Variants in DENND1A observed in about 807,000 individuals in gnomAD.
The protein encoded by DENND1A is DENN domain containing 1A.
Under a neutral mutation model 113.7 loss-of-function variants are expected in DENND1A, and 51 were observed. The observed-to-expected ratio is 0.45, with a 90% CI of 0.36 to 0.57. DENND1A has a LOEUF of 0.57. Ranked by LOEUF, DENND1A falls within the 20% of genes least tolerant of loss-of-function variation. DENND1A has a pLI of 0.00. For missense variants in DENND1A, 1,258 were observed against 1,395.9 expected (o/e 0.90, Z 1.57); for synonymous variants, 565 against 570.8 (o/e 0.99, Z 0.14).
intron 13 of DENND1A, among the ~76,000 whole-genome samples, chr9:123,487,647 C>G (rs2133899708): frequency 6.6e-6 from 1 of 152,258 alleles, no homozygotes; most frequent in Non-Finnish European, 1.5e-5. Context: ...TGAATCTTTT[C>G]TACCATTTTC....
intron 13 of DENND1A, among the ~76,000 whole-genome samples, chr9:123,506,718 A>G (rs1438883417): frequency 6.6e-6 from 1 of 152,084 alleles, no homozygotes; most frequent in Non-Finnish European, 1.5e-5. Flanking sequence ...GCTCAGAGAG[A>G]TTAAATTACC....
intron 5 of DENND1A, among the ~76,000 whole-genome samples, chr9:123,685,119 G>T (rs1182182956): frequency 6.6e-6 from 1 of 152,166 alleles, no homozygotes; most frequent in Non-Finnish European, 1.5e-5. Flanking sequence ...ACCCTCACAT[G>T]GTTCTTTTGA....
intron 11 of DENND1A, among the ~76,000 whole-genome samples, chr9:123,591,458 G>T (rs577175197): frequency 2.6e-5 from 4 of 152,368 alleles, no homozygotes; most frequent in Admixed American, 2.6e-4. Flanking sequence ...ACATTGAGGA[G>T]CAGGGGCTCA....
chr9:123,432,485 G>A (rs949623830), intron 19 of DENND1A, among the ~76,000 whole-genome samples: 11 of 152,300 alleles, frequency 7.2e-5, no homozygotes, highest in African/African-American at 2.4e-4. Context: ...GCACTGTCAC[G>A]GTCACCCTAC....
chr9:123,636,221 T>C (rs879722529), intron 9 of DENND1A, among the ~76,000 whole-genome samples: 7 of 152,112 alleles, frequency 4.6e-5, no homozygotes, highest in Non-Finnish European at 8.8e-5. Context: ...ACTTGGCCCC[T>C]GATACTCTGA....
chr9:123,661,506 A>G (rs531217494), intron 8 of DENND1A, among the ~76,000 whole-genome samples: 1 of 152,356 alleles, frequency 6.6e-6, no homozygotes, highest in African/African-American at 2.4e-5. Context: ...AAAACAGACC[A>G]ACTCCAAAGA....
At chr9:123,514,094 G>A (rs1413434966) in intron 13 of DENND1A, among the ~76,000 whole-genome samples, 14 of 46,546 alleles carry the variant, frequency 3.0e-4, no homozygotes, top group East Asian at 2.1e-3. Context: ...GTGTGTGTGT[G>A]TGTATGTGTG....
chr9:123,844,154 G>A (rs780060514), intron 2 of DENND1A, among the ~76,000 whole-genome samples: 39 of 151,950 alleles, frequency 2.6e-4, no homozygotes, highest in Non-Finnish European at 4.0e-4. Flanking sequence ...TTTAAGATGC[G>A]GATGAAGAAA....
At chr9:123,559,597 G>A (rs1275286524) in intron 12 of DENND1A, among the ~76,000 whole-genome samples, 1 of 152,192 alleles carries the variant, frequency 6.6e-6, no homozygotes, top group Non-Finnish European at 1.5e-5. Flanking sequence ...GGAAGGACTA[G>A]ATCATACTTT....
intron 10 of DENND1A, among the ~76,000 whole-genome samples, chr9:123,627,613 G>A (rs1482469363): frequency 5.9e-5 from 9 of 152,114 alleles, no homozygotes; most frequent in South Asian, 2.1e-4. Context: ...GATGGTACGC[G>A]CCTGTAATCC....
chr9:123,875,242 T>C (rs979562338), intron 2 of DENND1A, among the ~76,000 whole-genome samples: 1 of 152,054 alleles, frequency 6.6e-6, no homozygotes, highest in Non-Finnish European at 1.5e-5. Context: ...GAGATGATTA[T>C]CATAAAAGTC....
chr9:123,531,553 CT>C (rs1203699323), intron 13 of DENND1A, among the ~76,000 whole-genome samples: 375 of 56,868 alleles, frequency 6.6e-3, no homozygotes, highest in Middle Eastern at 0.016. Context: ...CCCTCTCTCT[CT>C]ACACACACAC....
intron 13 of DENND1A, among the ~76,000 whole-genome samples, chr9:123,514,840 T>C (rs1276483580): frequency 6.6e-6 from 1 of 152,282 alleles, no homozygotes; most frequent in African/African-American, 2.4e-5. Flanking sequence ...GGAATGAGTA[T>C]ACCTGGTGCC....
intron 16 of DENND1A, among the ~76,000 whole-genome samples, chr9:123,453,988 G>A (rs904843325): frequency 2.0e-5 from 3 of 152,240 alleles, no homozygotes; most frequent in African/African-American, 7.2e-5. Flanking sequence ...AGTCTTTCAT[G>A]AAGGAATTGC....
intron 9 of DENND1A, among the ~76,000 whole-genome samples, chr9:123,642,058 C>T (rs951861993): frequency 1.3e-5 from 2 of 152,152 alleles, no homozygotes; most frequent in Admixed American, 6.5e-5. Flanking sequence ...GCAGAGAGAC[C>T]ATGGCTGGTT....
chr9:123,692,100 C>A (rs1357973541), intron 5 of DENND1A, among the ~76,000 whole-genome samples: 1 of 152,132 alleles, frequency 6.6e-6, no homozygotes, highest in East Asian at 1.9e-4. Context: ...CTTCGTCTCT[C>A]CAAGGCTACT....
chr9:123,400,537 G>T (rs1588334539), intron 21 of DENND1A: 1 of 152,172 alleles, frequency 6.6e-6, no homozygotes, highest in African/African-American at 2.4e-5. Flanking sequence ...GCTACTCCAG[G>T]AGACAGTCTT....
At chr9:123,729,116 C>T (rs551422182) in intron 5 of DENND1A, among the ~76,000 whole-genome samples, 1 of 152,262 alleles carries the variant, frequency 6.6e-6, no homozygotes, top group African/African-American at 2.4e-5. Context: ...GAATGTATCT[C>T]AAAATAATAA....
At chr9:123,403,587 A>G in intron 20 of DENND1A, 97 bp from the exon 21 acceptor site, 1 of 1,127,574 alleles carries the variant, frequency 8.9e-7, no homozygotes, top group Non-Finnish European at 1.3e-6. Context: ...CCCCCAAAAA[A>G]CGTTTAGGGA....
Sources: allele counts gnomAD v4.1 joint callset (sites outside exome capture counted in the v4.1 genomes callset), GRCh38; gene constraint gnomAD v4.1.1; transcripts MANE v1.5; gene names NCBI Gene and HGNC (gene_info 2026-07-23, HGNC 2026-07-21).